PARVB: variants seen among roughly 807,000 people sequenced by gnomAD.
The protein encoded by PARVB is parvin beta.
Under a neutral mutation model 47.0 loss-of-function variants are expected in PARVB, and 46 were observed. That is an observed-to-expected ratio of 0.98 (90% CI 0.77 to 1.25). The LOEUF is 1.25. Among genes scored for constraint, PARVB ranks in the 50% most tolerant of loss-of-function variants. The pLI, the probability that PARVB is intolerant of heterozygous loss-of-function variation, is 0.00. For missense variants in PARVB, 473 were observed against 471.6 expected (o/e 1.00, Z -0.03); for synonymous variants, 196 against 196.3 (o/e 1.00, Z 0.01).
chr22:44,017,374 G>C (rs1209088434), intron 2 of PARVB, among the ~76,000 whole-genome samples: 1 of 152,088 alleles, frequency 6.6e-6, no homozygotes, highest in Non-Finnish European at 1.5e-5. Flanking sequence ...TATTTACATG[G>C]GATTTCTTAG....
intron 6 of PARVB, among the ~76,000 whole-genome samples, chr22:44,134,208 C>T (rs1360792726): frequency 6.6e-6 from 1 of 152,208 alleles, no homozygotes; most frequent in East Asian, 1.9e-4. Context: ...CGGGAATGCT[C>T]CTCTCTGGCA....
At chr22:44,031,608 A>T (rs2050828198) in intron 1 of PARVB, 1 of 151,570 alleles carries the variant, frequency 6.6e-6, no homozygotes, top group African/African-American at 2.4e-5. Context: ...CCTTGGTTAC[A>T]AACCTCCCAG....
chr22:44,072,113 G>T (rs1428345783), intron 1 of PARVB, among the ~76,000 whole-genome samples: 1 of 152,236 alleles, frequency 6.6e-6, no homozygotes, highest in African/African-American at 2.4e-5. Context: ...AACGGAGTCA[G>T]TTGTAATGTG....
chr22:44,131,518 T>A lies in PARVB; in HGVS notation c.408T>A (p.Ala136=). 1 of 1,614,086 alleles carries A rather than the reference T, an allele frequency of 6.2e-7. No homozygotes were observed. Among genetic ancestry groups the A allele is most frequent in the Non-Finnish European group, 8.5e-7 (1 of 1,180,014 alleles). The change falls in exon 5 of 13, where the codon GCT becomes GCA. Residue 136 remains alanine (A), a synonymous_variant. Transcript: ENST00000338758. The part of the protein sequence containing the change: ...EKLAGCKLNV[A]EVTQSEIGQK... Reference sequence around the variant, plus strand: ...TGGCAGGGTGCAAGCTGAATGTGGCTGAGGTGACACAGTCCGAAATAGGGC... The same window carrying A: ...TGGCAGGGTGCAAGCTGAATGTGGCAGAGGTGACACAGTCCGAAATAGGGC...
chr22:44,096,830 C>T (rs947307641), intron 2 of PARVB, among the ~76,000 whole-genome samples: 1 of 152,042 alleles, frequency 6.6e-6, no homozygotes, highest in African/African-American at 2.4e-5. Context: ...GGGCTCGGTT[C>T]CCACAAAACA....
At chr22:44,029,601 C>G (rs2050788337) in intron 1 of PARVB, among the ~76,000 whole-genome samples, 1 of 151,902 alleles carries the variant, frequency 6.6e-6, no homozygotes, top group African/African-American at 2.4e-5. Context: ...CGTGGGGAAA[C>G]CCGGTCTCTA....
At chr22:44,165,385 C>T (rs547917900) in intron 12 of PARVB, among the ~76,000 whole-genome samples, 4 of 152,268 alleles carry the variant, frequency 2.6e-5, no homozygotes, top group East Asian at 3.9e-4. Context: ...GGAAACTGCT[C>T]GACAGCACGG....
At chr22:44,167,222 C>T (rs80039902) in intron 12 of PARVB, among the ~76,000 whole-genome samples, 12,318 of 152,290 alleles carry the variant, frequency 0.081, 749 homozygotes, top group South Asian at 0.26. Context: ...GCTTGTGGCT[C>T]GCTCCAAATT....
chr22:44,160,073 A>T (rs1226307023), intron 11 of PARVB, among the ~76,000 whole-genome samples: 1 of 152,212 alleles, frequency 6.6e-6, no homozygotes, highest in Non-Finnish European at 1.5e-5. Flanking sequence ...CTCGTGCCCC[A>T]TGAGCTATCT....
intron 1 of PARVB, among the ~76,000 whole-genome samples, chr22:44,090,894 A>T (rs2052151292): frequency 6.6e-6 from 1 of 152,164 alleles, no homozygotes; most frequent in Non-Finnish European, 1.5e-5. Flanking sequence ...GTGAAAAATC[A>T]CTTTTCCCTG....
chr22:44,011,383 C>T (rs567064635), intron 2 of PARVB, among the ~76,000 whole-genome samples: 4 of 152,206 alleles, frequency 2.6e-5, no homozygotes, highest in African/African-American at 9.6e-5. Flanking sequence ...GAGGCTGAGG[C>T]AGGTGGATCA....
intron 1 of PARVB, among the ~76,000 whole-genome samples, chr22:44,077,917 C>T (rs1183046734): frequency 6.6e-6 from 1 of 152,012 alleles, no homozygotes; most frequent in Non-Finnish European, 1.5e-5. Context: ...AGGCTGGTTT[C>T]GAACTCCTGA....
intron 8 of PARVB, chr22:44,141,082 CTGA>C (rs1183740100): frequency 6.4e-6 from 1 of 156,448 alleles, no homozygotes; most frequent in African/African-American, 2.4e-5. Context: ...TCTAGCGGAG[CTGA>C]TATCTGTCTT....
At chr22:43,999,947 C>T (rs1243951544) in intron 2 of PARVB, among the ~76,000 whole-genome samples, 1 of 151,258 alleles carries the variant, frequency 6.6e-6, no homozygotes, top group Non-Finnish European at 1.5e-5. Flanking sequence ...GTTAAGGCTG[C>T]AGTGAGCCGT....
chr22:44,165,523 A>C (rs2054148045), intron 12 of PARVB, among the ~76,000 whole-genome samples: 1 of 152,172 alleles, frequency 6.6e-6, no homozygotes, highest in Non-Finnish European at 1.5e-5. Flanking sequence ...CAGGGCCATG[A>C]GGGAGTGGCT....
chr22:44,087,165 A>G (rs2147023049), intron 1 of PARVB, among the ~76,000 whole-genome samples: 1 of 152,336 alleles, frequency 6.6e-6, no homozygotes, highest in South Asian at 2.1e-4. Context: ...GCAGGGATGG[A>G]GAATGGCTGT....
At chr22:44,071,114 CAG>C (rs1471458338) in intron 1 of PARVB, among the ~76,000 whole-genome samples, 1 of 152,112 alleles carries the variant, frequency 6.6e-6, no homozygotes, top group Admixed American at 6.5e-5. Flanking sequence ...TGTGGGGGAA[CAG>C]ATACTGAGCG....
rs555060446 is a variant in PARVB, at chr22:44,052,813, C to T, written c.112+28362C>T. Among the ~76,000 whole-genome samples the T allele has an allele frequency of 8.5e-4, 129 of 152,214 alleles. 1 individual carries two copies. Among genetic ancestry groups the T allele is most frequent in the Middle Eastern group, 3.4e-3 (1 of 294 alleles). On this transcript the variant is annotated intron_variant, in intron 1 of 12. Transcript: ENST00000338758. ...CAAAAATTAGTTGGGTGTGTTGGTGCTCACCTGTAGTCTCAGCTACTTGGG... is the reference window on the plus strand; with the variant it reads ...CAAAAATTAGTTGGGTGTGTTGGTGTTCACCTGTAGTCTCAGCTACTTGGG...
chr22:44,151,417 T>G, intron 9 of PARVB, 66 bp from the exon 10 acceptor site: 2 of 1,190,200 alleles, frequency 1.7e-6, no homozygotes, highest in Non-Finnish European at 2.5e-6. Flanking sequence ...ATGTCAAGCC[T>G]GCCCCTCCAG....
Sources: allele counts gnomAD v4.1 joint callset (sites outside exome capture counted in the v4.1 genomes callset), GRCh38; gene constraint gnomAD v4.1.1; transcripts MANE v1.5; gene names NCBI Gene and HGNC (gene_info 2026-07-23, HGNC 2026-07-21).